Variants in DNAAF4 observed in about 807,000 individuals in gnomAD.
The protein encoded by DNAAF4 is dynein axonemal assembly factor 4, also known as dynein assembly factor 4, axonemal.
In DNAAF4, 43 loss-of-function variants were observed where a neutral mutation model predicts 51.8. That is an observed-to-expected ratio of 0.83 (90% CI 0.65 to 1.07). The LOEUF (loss-of-function observed/expected upper bound fraction) is 1.07. Ranked by LOEUF, DNAAF4 falls within the 50% of genes least tolerant of loss-of-function variation. DNAAF4 has a pLI of 0.00. For missense variants in DNAAF4, 581 were observed against 493.0 expected (o/e 1.18, Z -1.69); for synonymous variants, 194 against 165.6 (o/e 1.17, Z -1.32).
At chr15:55,420,392 A>T (rs2057378760) in intron 7 of DNAAF4, among the ~76,000 whole-genome samples, 1 of 151,428 alleles carries the variant, frequency 6.6e-6, no homozygotes, top group Admixed American at 6.6e-5. Context: ...TATGTTGATA[A>T]TTGGGTCTGA....
In DNAAF4 at chr15:55,441,537, G is replaced by A. The variant is rs145503935; in HGVS notation, c.784-1956C>T. On this transcript the variant is annotated intron_variant, in intron 6 of 9. Coordinates refer to ENST00000321149, the MANE Select transcript of DNAAF4 (RefSeq NM_130810.4). ...CATTAACTCGTCATTTACATTAGGT[G>A]TATCTCCTAATGCTATCCCTCCCCC... is the stretch of plus-strand genomic sequence containing the variant. 6.8e-3 allele frequency among the ~76,000 whole-genome samples: 1,035 copies of A among 151,938 alleles called. 14 individuals are homozygous for A. Among genetic ancestry groups the A allele is most frequent in the African/African-American group, 0.023 (950 of 41,394 alleles).
intron 5 of DNAAF4, among the ~76,000 whole-genome samples, chr15:55,459,191 G>A (rs148909325): frequency 5.5e-4 from 83 of 152,108 alleles, no homozygotes; most frequent in African/African-American, 1.9e-3. Context: ...AAGGGATGGG[G>A]GTCCTATCTT....
At chr15:55,438,374 T>G (rs572644738) in intron 7 of DNAAF4, among the ~76,000 whole-genome samples, 2 of 150,250 alleles carry the variant, frequency 1.3e-5, no homozygotes, top group South Asian at 4.2e-4. Flanking sequence ...AAAATCCATA[T>G]ACAAATGAAT....
chr15:55,492,548 T>A (rs1452901401), intron 3 of DNAAF4, among the ~76,000 whole-genome samples: 1 of 147,708 alleles, frequency 6.8e-6, no homozygotes, highest in African/African-American at 2.5e-5. Flanking sequence ...TGTGATATAC[T>A]TTTTTTTTTT....
In DNAAF4 at chr15:55,491,675, AAT is replaced by A. The variant is rs2058573472; in HGVS notation, c.272-421_272-420del. ...AAAATATATATTATATATTATAGAT[AAT>A]ATTATATTATTATATAATAATATTA... On this transcript the variant is annotated intron_variant, in intron 3 of 9. Transcript: ENST00000321149. Among the ~76,000 whole-genome samples the A allele has an allele frequency of 4.3e-5, 6 of 138,692 alleles. No homozygotes were observed. The South Asian group carries it at 1.3e-3, about 30-fold the overall frequency. The allele number at this position is 138,692 out of a possible 152,430, so 91.0% of individuals were successfully genotyped here.
chr15:55,439,353 T>C, intron 7 of DNAAF4, 119 bp downstream of exon 7: 1 of 774,936 alleles, frequency 1.3e-6, no homozygotes, highest in Non-Finnish European at 2.1e-6. Context: ...CAAGTTATCA[T>C]CCCACCTCGG....
At chr15:55,497,682 C>A in intron 3 of DNAAF4, 30 bp downstream of exon 3, 1 of 1,584,836 alleles carries the variant, frequency 6.3e-7, no homozygotes, top group Non-Finnish European at 8.6e-7. Context: ...AAGGTACAAC[C>A]AGATGAACAT....
At chr15:55,439,611 T>TA (rs1567004586) in intron 6 of DNAAF4, 30 bp from the exon 7 acceptor site, 1 of 1,570,174 alleles carries the variant, frequency 6.4e-7, no homozygotes, top group African/African-American at 1.4e-5. Context: ...TTATGAAGAA[T>TA]AAAAAGGTCT....
At position 55,430,706 on chromosome 15, in the gene DNAAF4, A is replaced by C. The variant is rs368434236; in HGVS notation, c.1227T>G (p.Ile409Met). ...NKIVQIDAEK[I>M]RNVIQGTELK... ...GTTCTGTTCCTTGAATTACATTCCG[A>C]ATCTTCTCAGCATCAATTTGTACAA... The change falls in exon 10 of 10, where the codon ATT (isoleucine) becomes ATG (methionine). Residue 409 changes from isoleucine to methionine, a missense_variant. Transcript: ENST00000321149. The C allele has an allele frequency of 3.1e-6, 5 of 1,613,390 alleles. No homozygotes were observed. Among genetic ancestry groups the C allele is most frequent in the Non-Finnish European group, 4.2e-6 (5 of 1,179,618 alleles).
chr15:55,459,215 C>T (rs2058060934), intron 5 of DNAAF4, among the ~76,000 whole-genome samples: 1 of 151,970 alleles, frequency 6.6e-6, no homozygotes, highest in South Asian at 2.1e-4. Flanking sequence ...CCTCCTTAAA[C>T]AAAATAATTA....
intron 4 of DNAAF4, 36 bp from the exon 5 acceptor site, chr15:55,467,197 C>T (rs12911834): frequency 5.2e-4 from 734 of 1,419,976 alleles, no homozygotes; most frequent in Admixed American, 9.7e-4. Context: ...CTTTAAAATA[C>T]ATAAAAGCAA....
intron 9 of DNAAF4, among the ~76,000 whole-genome samples, chr15:55,432,204 G>A (rs2057507383): frequency 6.6e-6 from 1 of 152,054 alleles, no homozygotes; most frequent in African/African-American, 2.4e-5. Flanking sequence ...ACCCGCCTCT[G>A]CCTCCCAAAG....
chr15:55,469,638 A>T lies in DNAAF4; in HGVS notation c.406-2477T>A, dbSNP rs1434305352. Among the ~76,000 whole-genome samples the T allele has an allele frequency of 3.3e-5, 5 of 151,284 alleles. No homozygotes were observed. In the East Asian group the frequency reaches 5.9e-4, roughly 18 times the overall value. ...GCTGGAACTACAGGTGTCTGCCACC[A>T]CACCTGGCTAATTTATTTTTTTTTT... On this transcript the variant is annotated intron_variant, in intron 4 of 9. Transcript: ENST00000321149.
At chr15:55,481,844 C>T (rs535208628) in intron 4 of DNAAF4, among the ~76,000 whole-genome samples, 1 of 152,232 alleles carries the variant, frequency 6.6e-6, no homozygotes, top group Non-Finnish European at 1.5e-5. Flanking sequence ...GCCCCTCCCT[C>T]TACAAAACCC....
At chr15:55,443,045 G>C in intron 6 of DNAAF4, 41 of 1,611,008 alleles carry the variant, frequency 2.5e-5, no homozygotes, top group Non-Finnish European at 3.5e-5. Flanking sequence ...TGTGACACTT[G>C]TTCTTCTTTC....
intron 6 of DNAAF4, chr15:55,443,347 C>G (rs1343520509): frequency 1.2e-6 from 1 of 865,934 alleles, no homozygotes; most frequent in Non-Finnish European, 1.8e-6. Context: ...CCTGGCGCAG[C>G]TCCTCAGCAT....
In DNAAF4 at chr15:55,430,588, A is replaced by G; in HGVS notation, c.*82T>C. On this transcript the variant is annotated 3_prime_UTR_variant, in exon 10 of 10. Coordinates refer to ENST00000321149, the MANE Select transcript of DNAAF4 (RefSeq NM_130810.4). ...AGTACTAAACAGAAAGCGATTCTGT[A>G]CAACTGGCCATAATATGTACAAAGA... The G allele has an allele frequency of 6.6e-7, 1 of 1,509,230 alleles. No individual in the cohort carries two copies. Among genetic ancestry groups the G allele is most frequent in the Non-Finnish European group, 8.8e-7 (1 of 1,131,008 alleles). 93.5% of individuals were successfully genotyped at this position (1,509,230 alleles called of 1,614,324 possible).
rs1158476752 is a variant in DNAAF4 at position 55,437,395 on chromosome 15, A to G, written c.893+2077T>C. On this transcript the variant is annotated intron_variant, in intron 7 of 9. Coordinates refer to ENST00000321149, the MANE Select transcript of DNAAF4 (RefSeq NM_130810.4). ...AACCTTCAGAAAAATTGCCAACTCC[A>G]GCTAAACGCCACAAAACAATCCCTG... is the stretch of plus-strand genomic sequence containing the variant. Among the ~76,000 whole-genome samples the G allele has an allele frequency of 2.0e-5, 3 of 152,186 alleles. No individual in the cohort carries two copies. In the East Asian group the frequency reaches 5.8e-4, roughly 29 times the overall value.
chr15:55,464,909 C>T (rs1198276063), intron 5 of DNAAF4, among the ~76,000 whole-genome samples: 5 of 152,148 alleles, frequency 3.3e-5, no homozygotes, highest in Non-Finnish European at 5.9e-5. Flanking sequence ...GAGCCGAGAT[C>T]GTGCCATTGC....
Sources: allele counts gnomAD v4.1 joint callset (sites outside exome capture counted in the v4.1 genomes callset), GRCh38; gene constraint gnomAD v4.1.1; transcripts MANE v1.5; gene names NCBI Gene and HGNC (gene_info 2026-07-23, HGNC 2026-07-21).